CTNNA3: variants seen among roughly 807,000 people sequenced by gnomAD.
CTNNA3 encodes the protein catenin alpha 3.
A neutral mutation model predicts 95.7 loss-of-function variants in CTNNA3; 76 were observed. That is an observed-to-expected ratio of 0.79 (90% CI 0.66 to 0.96). The LOEUF is 0.96. Ranked by LOEUF, CTNNA3 falls within the 40% of genes least tolerant of loss-of-function variation. The probability of loss-of-function intolerance (pLI) is 0.00; values close to 1 mark genes in which losing one functional copy is unlikely to be tolerated. For synonymous variants in CTNNA3, 431 were observed against 374.4 expected (o/e 1.15, Z -1.74); for missense variants, 1,191 against 1,089.8 (o/e 1.09, Z -1.31).
intron 11 of CTNNA3, among the ~76,000 whole-genome samples, chr10:66,384,232 A>G (rs2092868946): frequency 6.6e-6 from 1 of 152,198 alleles, no homozygotes; most frequent in African/African-American, 2.4e-5. Flanking sequence ...TATAGGCTCA[A>G]AATAAAGGGA....
intron 5 of CTNNA3, among the ~76,000 whole-genome samples, chr10:67,312,279 GCCAGGCTGGTCTTGAACT>G (rs1383336444): frequency 6.6e-6 from 1 of 152,024 alleles, no homozygotes; most frequent in Non-Finnish European, 1.5e-5. Context: ...CACCATGTTG[GCCAGGCTGGTCTTGAACT>G]CCTGACCTCA....
At chr10:66,327,024 A>G (rs2132305319) in intron 12 of CTNNA3, among the ~76,000 whole-genome samples, 1 of 152,236 alleles carries the variant, frequency 6.6e-6, no homozygotes, top group South Asian at 2.1e-4. Context: ...ATACAACTGC[A>G]TGCTCACAAA....
At chr10:66,392,293 G>A (rs1417882661) in intron 11 of CTNNA3, among the ~76,000 whole-genome samples, 2 of 151,906 alleles carry the variant, frequency 1.3e-5, no homozygotes, top group Non-Finnish European at 2.9e-5. Context: ...AGCCAGGAGT[G>A]GTGGTCCACA....
intron 12 of CTNNA3, among the ~76,000 whole-genome samples, chr10:66,296,009 T>C (rs1422334455): frequency 6.6e-6 from 1 of 152,228 alleles, no homozygotes; most frequent in African/African-American, 2.4e-5. Context: ...CTAACTTTTG[T>C]AGTTAATAAT....
At chr10:66,526,350 T>C (rs1276793416) in intron 10 of CTNNA3, among the ~76,000 whole-genome samples, 1 of 151,772 alleles carries the variant, frequency 6.6e-6, no homozygotes, top group Non-Finnish European at 1.5e-5. Context: ...CACACCCAGA[T>C]AATTTTTTGT....
At chr10:66,531,595 AT>A (rs894740614) in intron 10 of CTNNA3, among the ~76,000 whole-genome samples, 2 of 152,152 alleles carry the variant, frequency 1.3e-5, no homozygotes, top group African/African-American at 4.8e-5. Flanking sequence ...TGCTTTAGGG[AT>A]TTAAAAGAAT....
At chr10:66,120,934 T>C (rs1589459902) in intron 13 of CTNNA3, among the ~76,000 whole-genome samples, 1 of 152,194 alleles carries the variant, frequency 6.6e-6, no homozygotes, top group Admixed American at 6.5e-5. Context: ...CTAATGCACA[T>C]GGAAGTATGC....
At position 66,756,658 on chromosome 10, in the gene CTNNA3, CT is replaced by C. The variant is rs143480160; in HGVS notation, c.1281+9605del. On this transcript the variant is annotated intron_variant, in intron 9 of 17. Coordinates refer to ENST00000433211, the MANE Select transcript of CTNNA3 (RefSeq NM_013266.4). ...CAGCAGAGGAGATAAGGGGAAACAG[CT>C]GATCTCCTCTGTGTTTCTCTAATCC... Among the ~76,000 whole-genome samples, 246 of 152,184 alleles carry C rather than the reference CT, an allele frequency of 1.6e-3. 1 individual carries two copies. Among genetic ancestry groups the C allele is most frequent in the African/African-American group, 5.6e-3 (232 of 41,548 alleles).
chr10:67,229,967 G>T (rs1307513107), intron 5 of CTNNA3, among the ~76,000 whole-genome samples: 4 of 151,984 alleles, frequency 2.6e-5, no homozygotes, highest in African/African-American at 7.2e-5. Context: ...ATTAGAAAAA[G>T]CAATTCTAAA....
At chr10:67,421,851 T>G (rs1020655979) in intron 5 of CTNNA3, among the ~76,000 whole-genome samples, 17 of 152,156 alleles carry the variant, frequency 1.1e-4, no homozygotes, top group African/African-American at 3.4e-4. Context: ...TGGACTAGTA[T>G]TGGTGGCATT....
chr10:66,378,738 C>T (rs1207836562), intron 12 of CTNNA3, among the ~76,000 whole-genome samples: 3 of 152,128 alleles, frequency 2.0e-5, no homozygotes, highest in Non-Finnish European at 4.4e-5. Context: ...AAGAGCATTT[C>T]TCTGGAAACG....
intron 7 of CTNNA3, among the ~76,000 whole-genome samples, chr10:66,943,856 C>A (rs183742124): frequency 6.6e-6 from 1 of 152,154 alleles, no homozygotes; most frequent in Non-Finnish European, 1.5e-5. Flanking sequence ...TGCAGTAGCA[C>A]TATGTCAAAG....
chr10:66,851,267 T>C (rs1374122069), intron 7 of CTNNA3, among the ~76,000 whole-genome samples: 2 of 152,154 alleles, frequency 1.3e-5, no homozygotes, highest in African/African-American at 4.8e-5. Context: ...ACTCTTTGAA[T>C]GCATCCATAT....
chr10:66,017,729 C>A (rs1463341880), intron 15 of CTNNA3, among the ~76,000 whole-genome samples: 1 of 151,850 alleles, frequency 6.6e-6, no homozygotes, highest in Non-Finnish European at 1.5e-5. Context: ...TATTGTTAAC[C>A]GACAAAATGC....
intron 5 of CTNNA3, among the ~76,000 whole-genome samples, chr10:67,497,383 C>T (rs1281266372): frequency 6.6e-6 from 1 of 152,084 alleles, no homozygotes; most frequent in African/African-American, 2.4e-5. Flanking sequence ...AACAGTGCTC[C>T]CATAAACATA....
chr10:66,415,367 C>G (rs1194595351), intron 11 of CTNNA3, among the ~76,000 whole-genome samples: 6 of 152,124 alleles, frequency 3.9e-5, no homozygotes, highest in African/African-American at 1.4e-4. Flanking sequence ...CAGGCCTGGA[C>G]ACTGACCTTC....
chr10:66,939,921 T>C (rs79286284), intron 7 of CTNNA3, among the ~76,000 whole-genome samples: 1,915 of 152,328 alleles, frequency 0.013, 43 homozygotes, highest in African/African-American at 0.044. Flanking sequence ...GTTATCCACT[T>C]CATGGTTTCA....
chr10:67,668,832 C>CTTTTTT (rs869150567), intron 1 of CTNNA3, among the ~76,000 whole-genome samples: 15 of 90,082 alleles, frequency 1.7e-4, no homozygotes, highest in South Asian at 4.1e-4. Flanking sequence ...TACTGTGTTT[C>CTTTTTT]TTTTTTTTTT....
intron 7 of CTNNA3, among the ~76,000 whole-genome samples, chr10:66,913,131 C>T (rs1482817269): frequency 2.1e-5 from 3 of 140,084 alleles, no homozygotes; most frequent in East Asian, 2.2e-4. Flanking sequence ...CCCAGCTACT[C>T]GGGAGGCTGA....
Sources: allele counts gnomAD v4.1 joint callset (sites outside exome capture counted in the v4.1 genomes callset), GRCh38; gene constraint gnomAD v4.1.1; transcripts MANE v1.5; gene names NCBI Gene and HGNC (gene_info 2026-07-23, HGNC 2026-07-21).